Variants in MAPK6 observed in about 807,000 individuals in gnomAD.
The protein encoded by MAPK6 is mitogen-activated protein kinase 6.
Under a neutral mutation model 59.3 loss-of-function variants are expected in MAPK6, and 19 were observed. That is an observed-to-expected ratio of 0.32 (90% CI 0.22 to 0.47). MAPK6 has a LOEUF of 0.47. MAPK6 is among the 20% of genes least tolerant of loss of function. MAPK6 has a pLI of 1.00. For missense variants in MAPK6, 724 were observed against 847.9 expected, an observed-to-expected ratio of 0.85 and a Z score of 1.81; for synonymous variants, 316 against 290.3, an observed-to-expected ratio of 1.09 and a Z score of -0.90.
rs766130172 is a variant in MAPK6 at position 52,064,397 on chromosome 15, G to C, written c.1563G>C (p.Lys521Asn). Residue 521 changes from lysine to asparagine, a missense_variant, in exon 6 of 6, where the codon AAG (lysine) becomes AAC (asparagine). This residue lies in a region of MAPK6 where 502 missense variants were observed against 507.6 expected (regional missense o/e 0.99). Coordinates refer to ENST00000261845, the MANE Select transcript of MAPK6 (RefSeq NM_002748.4). ...SQQLAGKERE[K>N]NQGFDFDSFI... is the part of the protein sequence containing the mutation. ...AACTGGCTGGAAAAGAAAGGGAAAA[G>C]AATCAGGGATTTGATTTTGATTCCT... 6.2e-7 allele frequency: 1 copy of C among 1,611,966 alleles called. No individual in the cohort carries two copies. The highest frequency in any genetic ancestry group is 8.5e-7 in the Non-Finnish European group (1 of 1,179,830).
rs145056194 is a variant in MAPK6, at chr15:52,002,849, CAGAG to C, written c.-769-1407_-769-1404del. On this transcript the variant is annotated intron_variant, in intron 2 of 7. Transcript: ENST00000691380. Reference sequence around the variant, plus strand: ...ACATCTTAGGTGGCAGCAGGTGAGACAGAGAGAGAGAGTGTATGTGAAGGAGGAA... The same window carrying C: ...ACATCTTAGGTGGCAGCAGGTGAGACAGAGAGAGTGTATGTGAAGGAGGAA... Among the ~76,000 whole-genome samples the C allele has an allele frequency of 1.3e-5, 2 of 151,978 alleles. 1 individual carries two copies. The highest frequency in any genetic ancestry group is 4.2e-4 in the South Asian group (2 of 4,816).
At chr15:52,049,307 C>T (rs1210230946) in intron 2 of MAPK6, among the ~76,000 whole-genome samples, 2 of 149,572 alleles carry the variant, frequency 1.3e-5, no homozygotes, top group African/African-American at 2.5e-5. Context: ...TAAACCAGCT[C>T]GTCTTCTGAA....
intron 2 of MAPK6, among the ~76,000 whole-genome samples, chr15:52,000,852 T>C (rs1295930352): frequency 1.3e-5 from 2 of 152,112 alleles, no homozygotes; most frequent in African/African-American, 4.8e-5. Context: ...TTTGGTTATA[T>C]GGATGAATTG....
intron 1 of MAPK6, among the ~76,000 whole-genome samples, chr15:52,044,185 C>T (rs562155177): frequency 5.2e-4 from 79 of 150,936 alleles, no homozygotes; most frequent in African/African-American, 1.8e-3. Context: ...TTTGGGGGGG[C>T]GGGCTAGGAG....
chr15:51,995,456 ATC>A (rs1401325829), intron 2 of MAPK6, among the ~76,000 whole-genome samples: 1 of 152,196 alleles, frequency 6.6e-6, no homozygotes, highest in Non-Finnish European at 1.5e-5. Context: ...CAGTGGCTTC[ATC>A]TCTGTGTTCA....
chr15:51,986,216 G>T (rs559285770), intron 2 of MAPK6, among the ~76,000 whole-genome samples: 1 of 152,228 alleles, frequency 6.6e-6, no homozygotes, highest in Non-Finnish European at 1.5e-5. Flanking sequence ...CTTACTAATT[G>T]TCATGAGAAC....
intron 2 of MAPK6, among the ~76,000 whole-genome samples, chr15:52,000,708 A>T (rs1434922342): frequency 1.3e-5 from 2 of 151,984 alleles, no homozygotes; most frequent in Non-Finnish European, 2.9e-5. Context: ...GGGGAGGCTG[A>T]GGAAGGGGAA....
rs138917982 is a variant in MAPK6 at position 51,974,433 on chromosome 15, G to T, written c.-880+2527G>T. On this transcript the variant is annotated intron_variant, in intron 1 of 7. Coordinates refer to the MAPK6 transcript ENST00000691380. ...GCACTTTGGGAGGCCGAGGCAGGTGGATCACAAGGTCAGGAGATCGAGACC... is the reference window on the plus strand; with the variant it reads ...GCACTTTGGGAGGCCGAGGCAGGTGTATCACAAGGTCAGGAGATCGAGACC... Among the ~76,000 whole-genome samples, 224 of 151,358 alleles carry T rather than the reference G, an allele frequency of 1.5e-3. 3 individuals are homozygous for T. The highest frequency in any genetic ancestry group is 0.014 in the Middle Eastern group (4 of 294).
chr15:51,994,977 T>C (rs557359254), intron 2 of MAPK6, among the ~76,000 whole-genome samples: 1 of 152,322 alleles, frequency 6.6e-6, no homozygotes, highest in African/African-American at 2.4e-5. Flanking sequence ...TTGCTGATTG[T>C]GATGATTGTG....
At chr15:51,983,158 A>C (rs1355680146) in intron 1 of MAPK6, among the ~76,000 whole-genome samples, 1 of 152,180 alleles carries the variant, frequency 6.6e-6, no homozygotes, top group Non-Finnish European at 1.5e-5. Context: ...CCAGGGTCAT[A>C]AATTTCTATT....
At chr15:51,979,435 C>A (rs1411772510) in intron 1 of MAPK6, among the ~76,000 whole-genome samples, 1 of 151,454 alleles carries the variant, frequency 6.6e-6, no homozygotes, top group African/African-American at 2.4e-5. Context: ...ATTTTATTTC[C>A]AAGATACATG....
At chr15:51,974,716 T>C (rs1232236910) in intron 1 of MAPK6, among the ~76,000 whole-genome samples, 1 of 145,090 alleles carries the variant, frequency 6.9e-6, no homozygotes, top group Non-Finnish European at 1.5e-5. Flanking sequence ...GAATGGAGAA[T>C]TTCTTTTTTC....
chr15:51,979,696 G>C (rs1244398360), intron 1 of MAPK6, among the ~76,000 whole-genome samples: 1 of 151,834 alleles, frequency 6.6e-6, no homozygotes. Context: ...GGAAGACTGA[G>C]ATGGGAGGAT....
At chr15:52,058,995 T>A (rs1160195856) in intron 4 of MAPK6, among the ~76,000 whole-genome samples, 198 bp downstream of exon 4, 1 of 152,210 alleles carries the variant, frequency 6.6e-6, no homozygotes, top group Non-Finnish European at 1.5e-5. Flanking sequence ...GTTTTTTTGG[T>A]TCCTCTGAAT....
intron 1 of MAPK6, among the ~76,000 whole-genome samples, chr15:52,043,849 CCCTGCAACCTCTACCTA>C (rs1184677157): frequency 1.4e-5 from 2 of 146,106 alleles, no homozygotes; most frequent in African/African-American, 2.5e-5. Flanking sequence ...ACCTCTACCT[CCCTGCAACCTCTACCTA>C]CCTGGTTCAA....
Position 51,971,941 on chromosome 15 carries a change from A to G in MAPK6, c.-880+35A>G, listed in dbSNP as rs2057129111. ...GTATATAAGCCCGGCCATTTCGTCAATATCTGTTATTTGCCAGGATTCTTA... is the reference window on the plus strand; with the variant it reads ...GTATATAAGCCCGGCCATTTCGTCAGTATCTGTTATTTGCCAGGATTCTTA... On this transcript the variant is annotated intron_variant, in intron 1 of 7. Coordinates refer to the MAPK6 transcript ENST00000691380. 3.1e-5 allele frequency: 18 copies of G among 574,844 alleles called. No homozygotes were observed. The South Asian group carries it at 3.3e-4, about 11-fold the overall frequency. The allele number at this position is 574,844 out of a possible 1,614,324, so 35.6% of individuals were successfully genotyped here.
chr15:51,975,343 CCAT>C (rs2057154294), intron 1 of MAPK6, among the ~76,000 whole-genome samples: 1 of 151,564 alleles, frequency 6.6e-6, no homozygotes, highest in South Asian at 2.1e-4. Flanking sequence ...GAGATCAAGA[CCAT>C]CCTGGCCAAC....
chr15:52,032,701 T>C (rs1304514892), intron 1 of MAPK6, among the ~76,000 whole-genome samples: 1 of 152,120 alleles, frequency 6.6e-6, no homozygotes, highest in Non-Finnish European at 1.5e-5. Context: ...TTTTTGTTTT[T>C]GACACGGACT....
In MAPK6 at chr15:52,040,847, A is replaced by G. The variant is rs75126032; in HGVS notation, c.-631-4983A>G. ...TGCATTATAAAGAGCTTTTAATTCC[A>G]TGACATGGTAGATCACTGAAAGAAA... On this transcript the variant is annotated intron_variant, in intron 1 of 5. Transcript: ENST00000261845. 4.1e-3 allele frequency among the ~76,000 whole-genome samples: 628 copies of G among 152,350 alleles called. 6 individuals are homozygous for G. The highest frequency in any genetic ancestry group is 0.015 in the African/African-American group (609 of 41,574).
Sources: allele counts gnomAD v4.1 joint callset (sites outside exome capture counted in the v4.1 genomes callset), GRCh38; gene constraint gnomAD v4.1.1; regional missense constraint gnomAD v4.1.1; transcripts MANE v1.5; gene names NCBI Gene and HGNC (gene_info 2026-07-23, HGNC 2026-07-21).